Variants in SSBP3 observed in about 807,000 individuals in gnomAD.
SSBP3 encodes single-stranded DNA-binding protein 3.
A neutral mutation model predicts 69.6 loss-of-function variants in SSBP3; 5 were observed. That is an observed-to-expected ratio of 0.07 (90% CI 0.04 to 0.15). The LOEUF is 0.15. Ranked by LOEUF, SSBP3 falls within the 10% of genes least tolerant of loss-of-function variation. SSBP3 has a pLI of 1.00. For missense variants in SSBP3, 312 were observed against 534.0 expected (o/e 0.58, Z 4.10); for synonymous variants, 196 against 193.4 (o/e 1.01, Z -0.11).
At chr1:54,295,691 G>A (rs774615178) in intron 4 of SSBP3, among the ~76,000 whole-genome samples, 12 of 152,166 alleles carry the variant, frequency 7.9e-5, no homozygotes, top group Non-Finnish European at 1.6e-4. Context: ...TCTCATCTCA[G>A]CCTTTCTTCT....
rs1357133618 is a variant in SSBP3 at position 54,257,041 on chromosome 1, T to C, written c.507+86A>G. 4 of 1,389,802 alleles carry C rather than the reference T, an allele frequency of 2.9e-6. No individual in the cohort carries two copies. The African/African-American group carries it at 4.4e-5, about 15-fold the overall frequency. 86.1% of individuals were successfully genotyped at this position (1,389,802 alleles called of 1,614,324 possible). On this transcript the variant is annotated intron_variant, in intron 7 of 17. Transcript: ENST00000610401. ...CCTGCCCCTCCACCCCTCAATCCTT[T>C]CCCTCAACTTTCATTTTGTGTCAAA...
At chr1:54,347,386 A>AT (rs1319639315) in intron 4 of SSBP3, among the ~76,000 whole-genome samples, 1 of 151,078 alleles carries the variant, frequency 6.6e-6, no homozygotes, top group Non-Finnish European at 1.5e-5. Flanking sequence ...AAAAAAAAAA[A>AT]GATGGGGTCT....
intron 7 of SSBP3, among the ~76,000 whole-genome samples, chr1:54,255,934 T>C (rs1281843879): frequency 6.6e-6 from 1 of 152,028 alleles, no homozygotes; most frequent in Non-Finnish European, 1.5e-5. Context: ...TAGCCGGGCA[T>C]GGTGGCGCAC....
At chr1:54,309,374 GTT>G (rs1046775716) in intron 4 of SSBP3, among the ~76,000 whole-genome samples, 4 of 152,232 alleles carry the variant, frequency 2.6e-5, no homozygotes, top group Non-Finnish European at 4.4e-5. Flanking sequence ...GGCGAGTGAA[GTT>G]TTTAGTCAAG....
chr1:54,296,996 C>T (rs574752350), intron 4 of SSBP3, among the ~76,000 whole-genome samples: 11 of 152,230 alleles, frequency 7.2e-5, no homozygotes, highest in Admixed American at 1.3e-4. Flanking sequence ...TGAGTGAATC[C>T]ACTCATTTAT....
chr1:54,371,464 A>G (rs891293262), intron 4 of SSBP3, among the ~76,000 whole-genome samples: 15 of 152,114 alleles, frequency 9.9e-5, no homozygotes, highest in African/African-American at 3.4e-4. Flanking sequence ...ACACATAGGG[A>G]GTGCCTGCTG....
intron 4 of SSBP3, among the ~76,000 whole-genome samples, chr1:54,382,177 G>C (rs548365151): frequency 6.6e-5 from 10 of 152,192 alleles, no homozygotes; most frequent in African/African-American, 2.4e-4. Context: ...CTGGGCAATA[G>C]AGCGAGACTC....
At chr1:54,298,999 C>A (rs1037926934) in intron 4 of SSBP3, among the ~76,000 whole-genome samples, 1 of 148,372 alleles carries the variant, frequency 6.7e-6, no homozygotes, top group Non-Finnish European at 1.5e-5. Flanking sequence ...TGAGGATAGG[C>A]ATGGAGATAC....
At chr1:54,228,061 G>A (rs1392980398) in intron 17 of SSBP3, among the ~76,000 whole-genome samples, 194 bp downstream of exon 17, 1 of 152,212 alleles carries the variant, frequency 6.6e-6, no homozygotes, top group African/African-American at 2.4e-5. Context: ...CCTCCAGAAG[G>A]CCCCACCAGC....
intron 4 of SSBP3, among the ~76,000 whole-genome samples, chr1:54,316,706 AAATAAAAT>A (rs1646120256): frequency 1.2e-5 from 1 of 81,634 alleles, no homozygotes; most frequent in Non-Finnish European, 2.8e-5. Context: ...ATAAATAAAT[AAATAAAAT>A]AAAATAAAAT....
intron 9 of SSBP3, among the ~76,000 whole-genome samples, chr1:54,248,097 C>A (rs373162885): frequency 2.0e-5 from 3 of 152,170 alleles, no homozygotes; most frequent in African/African-American, 7.2e-5. Flanking sequence ...GCCCTATGAC[C>A]GACCACGCTG....
chr1:54,410,970 G>C (rs1191629722), upstream of SSBP3, among the ~76,000 whole-genome samples: 1 of 152,218 alleles, frequency 6.6e-6, no homozygotes, highest in Non-Finnish European at 1.5e-5. Flanking sequence ...AGCAAACAGA[G>C]AGGTGCTAAG....
intron 5 of SSBP3, among the ~76,000 whole-genome samples, chr1:54,280,720 A>AGAG (rs1553130582): frequency 1.3e-5 from 2 of 151,678 alleles, no homozygotes; most frequent in Non-Finnish European, 3.0e-5. Flanking sequence ...GTAGAGACAG[A>AGAG]GGAGGCGGCG....
chr1:54,404,860 C>T (rs1649592996), exon 2 of SSBP3: 1 of 1,610,810 alleles, frequency 6.2e-7, no homozygotes, highest in African/African-American at 1.3e-5. Flanking sequence ...CCACTCACCT[C>T]CGATAAGAAG....
chr1:54,403,449 C>T (rs1351726660), intron 3 of SSBP3, among the ~76,000 whole-genome samples: 1 of 152,188 alleles, frequency 6.6e-6, no homozygotes, highest in Non-Finnish European at 1.5e-5. Context: ...CCGCCAACCC[C>T]ATCCACACAC....
chr1:54,305,372 AC>A (rs10714859), intron 4 of SSBP3, among the ~76,000 whole-genome samples: 31,795 of 151,940 alleles, frequency 0.21, 4,482 homozygotes, highest in East Asian at 0.51. Context: ...GATAAATAGC[AC>A]CATTTTCTAT....
Position 54,239,514 on chromosome 1 carries a change from CA to C in SSBP3, c.857-316del, listed in dbSNP as rs542360191. On this transcript the variant is annotated intron_variant, in intron 13 of 17. Coordinates refer to ENST00000610401, the Ensembl canonical transcript of SSBP3. The stretch of plus-strand genomic sequence containing the variant: ...TGGGACAACATGGGGGCAGCAGAAC[CA>C]CCACCTGTGCTCTCCTCCCACCACC... 4.3e-3 allele frequency among the ~76,000 whole-genome samples: 661 copies of C among 152,080 alleles called. 3 individuals carry two copies. The highest frequency in any genetic ancestry group is 0.015 in the African/African-American group (633 of 41,550).
At chr1:54,232,639 C>A (rs891587001) in intron 14 of SSBP3, among the ~76,000 whole-genome samples, 1 of 151,452 alleles carries the variant, frequency 6.6e-6, no homozygotes, top group African/African-American at 2.4e-5. Flanking sequence ...CCCTCTCATG[C>A]GGAGCCGAAG....
chr1:54,280,714 A>G (rs539237228), intron 5 of SSBP3, among the ~76,000 whole-genome samples: 48 of 131,268 alleles, frequency 3.7e-4, no homozygotes, highest in African/African-American at 1.2e-3. Flanking sequence ...GAGAAGGTAG[A>G]GACAGAGGAG....
Sources: allele counts gnomAD v4.1 joint callset (sites outside exome capture counted in the v4.1 genomes callset), GRCh38; gene constraint gnomAD v4.1.1; transcripts MANE v1.5; gene names NCBI Gene and HGNC (gene_info 2026-07-23, HGNC 2026-07-21).